Variants in CTNNA3 observed in about 807,000 individuals in gnomAD.
CTNNA3 encodes catenin alpha 3.
Under a neutral mutation model 95.7 loss-of-function variants are expected in CTNNA3, and 76 were observed. The observed-to-expected ratio is 0.79, with a 90% confidence interval of 0.66 to 0.96. The LOEUF (loss-of-function observed/expected upper bound fraction) is 0.96. Among genes scored for constraint, CTNNA3 ranks in the 40% least tolerant of loss-of-function variants. The pLI is 0.00. For missense variants in CTNNA3, 1,191 were observed against 1,089.8 expected, an observed-to-expected ratio of 1.09 and a Z score of -1.31; for synonymous variants, 431 against 374.4, an observed-to-expected ratio of 1.15 and a Z score of -1.74.
chr10:67,433,373 A>G (rs992740285), intron 5 of CTNNA3, among the ~76,000 whole-genome samples: 4 of 152,060 alleles, frequency 2.6e-5, no homozygotes, highest in Admixed American at 2.6e-4. Context: ...AGCACTGATC[A>G]CAAATCACCA....
rs1222927084 is a variant in CTNNA3 at position 67,696,166 on chromosome 10, G to A, written c.-172C>T. Reference sequence around the variant, plus strand: ...AGTGGGGCAGTCAATTTCGCTGAGCGTTGTTCACCCAGGATAAGAAAGAAA... The same window carrying A: ...AGTGGGGCAGTCAATTTCGCTGAGCATTGTTCACCCAGGATAAGAAAGAAA... On this transcript the variant is annotated 5_prime_UTR_variant, in exon 1 of 18. The change creates a new upstream start codon in the 5' untranslated region. Transcript: ENST00000433211. The A allele has an allele frequency of 2.6e-5, 4 of 152,038 alleles. No individual in the cohort carries two copies. Among genetic ancestry groups the A allele is most frequent in the East Asian group, 1.9e-4 (1 of 5,178 alleles). The allele number at this position is 152,038 out of a possible 1,614,324, so 9.4% of individuals were successfully genotyped here.
intron 16 of CTNNA3, among the ~76,000 whole-genome samples, chr10:65,987,657 T>G (rs1430511968): frequency 6.6e-6 from 1 of 152,102 alleles, no homozygotes; most frequent in Non-Finnish European, 1.5e-5. Context: ...AGAACTACCA[T>G]ATGATCCAGC....
chr10:66,159,555 A>G (rs1271337918), intron 13 of CTNNA3, among the ~76,000 whole-genome samples: 2 of 150,962 alleles, frequency 1.3e-5, no homozygotes, highest in African/African-American at 4.9e-5. Flanking sequence ...GGGTTCGGTT[A>G]GCTAGTATTT....
chr10:67,233,969 TTGAATCTC>T (rs1484902780), intron 5 of CTNNA3, among the ~76,000 whole-genome samples: 1 of 152,134 alleles, frequency 6.6e-6, no homozygotes, highest in African/African-American at 2.4e-5. Flanking sequence ...CAGGAAGAAG[TTGAATCTC>T]TGAATAGGAC....
At chr10:66,881,768 T>C (rs1042364937) in intron 7 of CTNNA3, among the ~76,000 whole-genome samples, 21 of 152,074 alleles carry the variant, frequency 1.4e-4, no homozygotes, top group Non-Finnish European at 4.4e-5. Context: ...TGCAATAGAA[T>C]AAAGCTAAAT....
At chr10:67,480,930 CT>C (rs1848198489) in intron 5 of CTNNA3, among the ~76,000 whole-genome samples, 1 of 152,112 alleles carries the variant, frequency 6.6e-6, no homozygotes, top group African/African-American at 2.4e-5. Flanking sequence ...AAGCTTTATT[CT>C]AGGGACGCAA....
In CTNNA3 at chr10:66,812,060, G is replaced by A. The variant is rs563502431; in HGVS notation, c.1048-36536C>T. 4.1e-4 allele frequency among the ~76,000 whole-genome samples: 62 copies of A among 152,232 alleles called. 1 individual carries two copies. The highest frequency in any genetic ancestry group is 3.6e-3 in the Admixed American group (55 of 15,274). On this transcript the variant is annotated intron_variant, in intron 7 of 17. Transcript: ENST00000433211. ...GATGATCTAGTTTTATGTCCCAGGT[G>A]CTCCTGGTTTTCTTTATCTCACTGT...
At chr10:66,425,355 T>A (rs1814190449) in intron 11 of CTNNA3, among the ~76,000 whole-genome samples, 1 of 151,966 alleles carries the variant, frequency 6.6e-6, no homozygotes, top group Non-Finnish European at 1.5e-5. Flanking sequence ...ATCTCTATGA[T>A]CTTGTTTTAG....
chr10:66,969,987 A>G (rs556367705), intron 7 of CTNNA3, among the ~76,000 whole-genome samples: 1 of 152,278 alleles, frequency 6.6e-6, no homozygotes, highest in East Asian at 1.9e-4. Flanking sequence ...TTTCTCCCAC[A>G]TCATTATTAC....
chr10:66,034,485 A>G (rs185681978), intron 15 of CTNNA3, among the ~76,000 whole-genome samples: 1 of 152,300 alleles, frequency 6.6e-6, no homozygotes, highest in Admixed American at 6.5e-5. Context: ...ATTTTCACCT[A>G]ACTTCAACAG....
intron 7 of CTNNA3, among the ~76,000 whole-genome samples, chr10:67,101,748 G>GA (rs1406540692): frequency 1.3e-5 from 2 of 150,092 alleles, no homozygotes; most frequent in Non-Finnish European, 3.0e-5. Context: ...AAATCTTTTT[G>GA]AAAAAAAAAT....
intron 13 of CTNNA3, among the ~76,000 whole-genome samples, chr10:66,248,054 C>A (rs542279221): frequency 1.1e-4 from 17 of 152,122 alleles, no homozygotes; most frequent in African/African-American, 3.9e-4. Context: ...TACATCTTTT[C>A]AAGACATAGT....
chr10:66,796,573 G>A (rs1411286640), intron 7 of CTNNA3, among the ~76,000 whole-genome samples: 1 of 152,028 alleles, frequency 6.6e-6, no homozygotes, highest in African/African-American at 2.4e-5. Context: ...ACGAGTTTAT[G>A]CTGTTGGAAA....
chr10:66,272,507 G>A (rs2091303710), intron 13 of CTNNA3, among the ~76,000 whole-genome samples: 1 of 152,074 alleles, frequency 6.6e-6, no homozygotes, highest in Non-Finnish European at 1.5e-5. Context: ...AAACTGGCTT[G>A]ACAGGGAACT....
In CTNNA3 at chr10:67,607,010, T is replaced by C. The variant is rs1843300475; in HGVS notation, c.139A>G (p.Arg47Gly). 2 of 1,614,018 alleles carry C rather than the reference T, an allele frequency of 1.2e-6. No individual in the cohort carries two copies. The highest frequency in any genetic ancestry group is 1.3e-5 in the African/African-American group (1 of 74,924). ...LVNCPQNPSS[R>G]KKGRSKRASV... is the part of the protein sequence containing the mutation. ...GCTCTTTTCGAACGTCCTTTTTTCCTGCTGGAAGGGTTCTGGGGACAGTTT... is the reference window on the plus strand; with the variant it reads ...GCTCTTTTCGAACGTCCTTTTTTCCCGCTGGAAGGGTTCTGGGGACAGTTT... Residue 47 changes from arginine (R) to glycine (G), a missense_variant, in exon 3 of 18, where the codon AGG (arginine) becomes GGG (glycine). By Grantham distance (125) the Arg-to-Gly change is moderately radical. Coordinates refer to ENST00000433211, the MANE Select transcript of CTNNA3 (RefSeq NM_013266.4).
chr10:66,032,123 G>A (rs1409844244), intron 15 of CTNNA3, among the ~76,000 whole-genome samples: 1 of 152,122 alleles, frequency 6.6e-6, no homozygotes, highest in African/African-American at 2.4e-5. Flanking sequence ...GACAGGGAAG[G>A]TGTGAGTGGG....
At chr10:67,109,787 G>C (rs953454041) in intron 7 of CTNNA3, among the ~76,000 whole-genome samples, 7 of 152,302 alleles carry the variant, frequency 4.6e-5, no homozygotes, top group Admixed American at 1.3e-4. Flanking sequence ...AGCTTGCAGT[G>C]AGCCGAGATC....
In CTNNA3 at chr10:67,751,003, C is replaced by T. The variant is rs550936612; in HGVS notation, c.-2+12431G>A. The T allele has an allele frequency of 2.5e-6, 4 of 1,570,748 alleles. No individual in the cohort carries two copies. The African/African-American group carries it at 4.1e-5, about 16-fold the overall frequency. On this transcript the variant is annotated intron_variant, in intron 1 of 17. Transcript: ENST00000684154. The stretch of plus-strand genomic sequence containing the variant: ...CAAGATTAAGGAGATTGCTGCAAGG[C>T]ACAAAAAACCACAGCCCAGGTTCTG...
intron 13 of CTNNA3, among the ~76,000 whole-genome samples, chr10:66,122,644 A>G (rs2082632725): frequency 6.6e-6 from 1 of 152,256 alleles, no homozygotes; most frequent in South Asian, 2.1e-4. Flanking sequence ...AACCATTTTC[A>G]TACTGCTGAT....
Sources: allele counts gnomAD v4.1 joint callset (sites outside exome capture counted in the v4.1 genomes callset), GRCh38; gene constraint gnomAD v4.1.1; transcripts MANE v1.5; gene names NCBI Gene and HGNC (gene_info 2026-07-23, HGNC 2026-07-21).